Variants in RNASEH2B observed in about 807,000 individuals in gnomAD.
RNASEH2B encodes Aicardi-Goutieres syndrome 2 protein.
Under a neutral mutation model 45.0 loss-of-function variants are expected in RNASEH2B, and 36 were observed. The ratio of observed to expected loss-of-function variants is 0.80; its 90% CI spans 0.61 to 1.06. The LOEUF (loss-of-function observed/expected upper bound fraction) is 1.06. RNASEH2B is among the 50% of genes least tolerant of loss of function. RNASEH2B has a pLI of 0.00. For missense variants in RNASEH2B, 361 were observed against 360.3 expected (o/e 1.00, Z -0.02); for synonymous variants, 119 against 125.7 (o/e 0.95, Z 0.35).
Position 50,956,448 on chromosome 13 carries a change from A to G in RNASEH2B, c.913A>G (p.Asn305Asp). Residue 305 changes from asparagine to aspartate, a missense_variant, in exon 11 of 11, where the codon AAT becomes GAT. Transcript: ENST00000336617. ...TATTGATACCTTTTTTGGGGTAAAA[A>G]ATAAAAAAAAAATTGGAAAGGTTTG... The part of the protein sequence containing the change: ...KSIDTFFGVK[N>D]KKKIGKV 1 of 1,598,410 alleles carries G rather than the reference A, an allele frequency of 6.3e-7. No homozygotes were observed. Among genetic ancestry groups the G allele is most frequent in the East Asian group, 2.2e-5 (1 of 44,572 alleles).
intron 5 of RNASEH2B, chr13:50,940,863 AGG>A (rs1250630764): frequency 1.3e-5 from 2 of 152,256 alleles, no homozygotes; most frequent in Non-Finnish European, 2.9e-5. Flanking sequence ...AGAGGTTGTT[AGG>A]AGGTACTGAG....
intron 1 of RNASEH2B, among the ~76,000 whole-genome samples, chr13:50,916,696 T>C (rs1879764495): frequency 6.6e-6 from 1 of 152,188 alleles, no homozygotes; most frequent in Non-Finnish European, 1.5e-5. Flanking sequence ...CAAACATCCC[T>C]TGGTGTGCTT....
chr13:50,945,584 T>C (rs771717233), intron 7 of RNASEH2B, 52 bp downstream of exon 7: 2 of 1,155,408 alleles, frequency 1.7e-6, no homozygotes, highest in Admixed American at 1.7e-5. Context: ...AAGTTGCTTA[T>C]GTGTAAATGC....
intron 5 of RNASEH2B, chr13:50,936,304 G>A (rs1348019597): frequency 1.3e-5 from 2 of 152,212 alleles, no homozygotes; most frequent in Non-Finnish European, 2.9e-5. Flanking sequence ...GGGAACCAGA[G>A]CATCAGGCTG....
intron 1 of RNASEH2B, among the ~76,000 whole-genome samples, chr13:50,919,930 C>G (rs1042289970): frequency 6.6e-6 from 1 of 152,182 alleles, no homozygotes; most frequent in Non-Finnish European, 1.5e-5. Flanking sequence ...ACACAATTGT[C>G]TCTTTGTCAC....
chr13:50,915,687 T>TA (rs1879702819), intron 1 of RNASEH2B, among the ~76,000 whole-genome samples: 1 of 152,250 alleles, frequency 6.6e-6, no homozygotes, highest in African/African-American at 2.4e-5. Context: ...GCATGTCACG[T>TA]AGGATTTCCA....
In RNASEH2B at chr13:50,956,379, G is replaced by A. The variant is rs1464981063; in HGVS notation, c.844G>A (p.Ala282Thr). The A allele has an allele frequency of 1.2e-6, 2 of 1,602,072 alleles. No homozygotes were observed. Among genetic ancestry groups the A allele is most frequent in the Admixed American group, 1.7e-5 (1 of 59,300 alleles). The change falls in exon 11 of 11, where the codon GCT becomes ACT. Residue 282 changes from alanine to threonine, a missense_variant. Ala to Thr is a moderately conservative substitution (Grantham distance 58). Transcript: ENST00000336617. ...TEKKNSKMTAAQKALAKVDKS... is the reference protein window; with the variant it reads ...TEKKNSKMTATQKALAKVDKS... ...ACAGAAAAATAGCAAAATGACTGCA[G>A]CTCAGAAGGCTTTGGCTAAAGTTGA...
In RNASEH2B at chr13:50,956,672, G is replaced by T. The variant is rs1458832036; in HGVS notation, c.*198G>T. On this transcript the variant is annotated 3_prime_UTR_variant, in exon 11 of 11. Transcript: ENST00000336617. ...TCTAACTTCATGGCTATGGCCTTTTGGAGTCTCATCTGACATAATGAAAAG... is the reference window on the plus strand; with the variant it reads ...TCTAACTTCATGGCTATGGCCTTTTTGAGTCTCATCTGACATAATGAAAAG... 1.5e-6 allele frequency: 2 copies of T among 1,339,904 alleles called. No individual in the cohort carries two copies. The highest frequency in any genetic ancestry group is 6.2e-5 in the Admixed American group (2 of 32,490). The allele number at this position is 1,339,904 out of a possible 1,614,324, so 83.0% of individuals were successfully genotyped here. A position where few individuals can be genotyped will look rare whatever the true frequency, so the allele number is the denominator to read the frequency against.
At chr13:50,969,845 G>C in intron 9 of RNASEH2B, 1 of 1,350,712 alleles carries the variant, frequency 7.4e-7, no homozygotes, top group Non-Finnish European at 1.0e-6. Context: ...CCTGCGTTCT[G>C]TTCTAGGAGC....
chr13:50,933,525 T>C (rs1364744123), intron 4 of RNASEH2B, among the ~76,000 whole-genome samples: 1 of 152,224 alleles, frequency 6.6e-6, no homozygotes, highest in East Asian at 1.9e-4. Context: ...AGTTAAAAAT[T>C]ATTGATACAC....
chr13:50,949,248 A>G, intron 8 of RNASEH2B: 2 of 551,928 alleles, frequency 3.6e-6, no homozygotes, highest in East Asian at 3.0e-5. Context: ...TTTTTAGTTC[A>G]GACAACACCA....
At chr13:50,967,826 T>C (rs760046638) in intron 9 of RNASEH2B, among the ~76,000 whole-genome samples, 2 of 152,222 alleles carry the variant, frequency 1.3e-5, no homozygotes, top group African/African-American at 2.4e-5. Context: ...ATCCAAAATT[T>C]GGCAATCTTG....
intron 6 of RNASEH2B, 55 bp from the exon 7 acceptor site, chr13:50,945,372 A>G (rs1951886703): frequency 8.0e-7 from 1 of 1,250,418 alleles, no homozygotes; most frequent in Non-Finnish European, 1.2e-6. Context: ...GAATTCATAG[A>G]TTTCTAAAGT....
chr13:50,970,061 G>T, exon 10 of RNASEH2B: 1 of 1,168,994 alleles, frequency 8.6e-7, no homozygotes, highest in Non-Finnish European at 1.2e-6. Flanking sequence ...TTGGAAAATC[G>T]CCAGGTGCCA....
intron 4 of RNASEH2B, chr13:50,934,665 A>C (rs943442738): frequency 1.2e-5 from 7 of 572,232 alleles, no homozygotes; most frequent in Non-Finnish European, 2.2e-5. Flanking sequence ...CACCCAAGGT[A>C]GATGGTGTGC....
intron 2 of RNASEH2B, among the ~76,000 whole-genome samples, chr13:50,927,860 C>A (rs537731557): frequency 6.6e-6 from 1 of 152,072 alleles, no homozygotes; most frequent in South Asian, 2.1e-4. Flanking sequence ...AAATAAACAA[C>A]CAGAATTTAA....
intron 4 of RNASEH2B, among the ~76,000 whole-genome samples, chr13:50,932,817 C>G (rs867895131): frequency 1.3e-5 from 2 of 152,232 alleles, no homozygotes; most frequent in Admixed American, 6.5e-5. Context: ...TTCCTGAAAC[C>G]TCCATTTGGT....
chr13:50,913,881 T>C (rs1364045502), intron 1 of RNASEH2B, among the ~76,000 whole-genome samples: 6 of 152,168 alleles, frequency 3.9e-5, no homozygotes, highest in African/African-American at 1.4e-4. Context: ...ATCTTTCCAA[T>C]TGGAATGCAA....
chr13:50,945,647 A>G (rs1479802802), intron 7 of RNASEH2B, 115 bp downstream of exon 7: 1 of 727,690 alleles, frequency 1.4e-6, no homozygotes, highest in Non-Finnish European at 2.5e-6. Context: ...ATTCCTACCA[A>G]TGCCTCATAC....
Sources: gnomAD v4.1 joint callset for allele counts (sites outside exome capture counted in the v4.1 genomes callset) on GRCh38, gnomAD v4.1.1 for gene constraint, MANE v1.5 for transcripts, NCBI Gene and HGNC (gene_info 2026-07-23, HGNC 2026-07-21) for gene names.